Variants in VSTM4 observed in about 807,000 individuals in gnomAD.
VSTM4 encodes the protein V-set and transmembrane domain containing 4, also known as V-set and transmembrane domain-containing protein 4.
In VSTM4, 20 loss-of-function variants were observed where a neutral mutation model predicts 36.4. The ratio of observed to expected loss-of-function variants is 0.55; its 90% confidence interval spans 0.39 to 0.80. The LOEUF (loss-of-function observed/expected upper bound fraction) is 0.80, where lower values mean the gene tolerates loss of function less well. VSTM4 is among the 30% of genes least tolerant of loss of function. VSTM4 has a pLI of 0.00. For synonymous variants in VSTM4, 182 were observed against 173.9 expected (o/e 1.05, Z -0.37); for missense variants, 392 against 404.5 (o/e 0.97, Z 0.26).
Position 49,065,428 on chromosome 10 carries a change from C to T in VSTM4, c.635-692G>A, listed in dbSNP as rs1843956229. On this transcript the variant is annotated intron_variant, in intron 4 of 7. Transcript: ENST00000332853. ...GTATGTGTCCACACCCATGTGTACC[C>T]CCTCCCAAACTGACTCTGGGCTTGG... 2.0e-5 allele frequency among the ~76,000 whole-genome samples: 3 copies of T among 152,180 alleles called. No individual in the cohort carries two copies. The South Asian group carries it at 6.2e-4, about 31-fold the overall frequency.
chr10:49,057,122 A>T (rs535751625), intron 5 of VSTM4, among the ~76,000 whole-genome samples: 1 of 152,140 alleles, frequency 6.6e-6, no homozygotes, highest in South Asian at 2.1e-4. Flanking sequence ...TTCATGAGGG[A>T]TCTGCCCCCA....
chr10:49,052,905 C>T (rs921603048), intron 5 of VSTM4, among the ~76,000 whole-genome samples: 3 of 152,086 alleles, frequency 2.0e-5, no homozygotes, highest in East Asian at 1.9e-4. Flanking sequence ...ATTCATATTT[C>T]GACAATTTGA....
At chr10:49,040,675 T>C (rs571909230) in intron 7 of VSTM4, among the ~76,000 whole-genome samples, 19 of 152,346 alleles carry the variant, frequency 1.2e-4, no homozygotes, top group Non-Finnish European at 2.2e-4. Flanking sequence ...AAATGCAATG[T>C]TGTCTTGGAA....
At chr10:49,074,225 AT>A (rs1240952528) in intron 4 of VSTM4, among the ~76,000 whole-genome samples, 2 of 152,212 alleles carry the variant, frequency 1.3e-5, no homozygotes, top group East Asian at 3.8e-4. Context: ...CTTTCCTCTG[AT>A]TTTTCCTTTA....
At chr10:49,066,702 A>G (rs1843979863) in intron 4 of VSTM4, among the ~76,000 whole-genome samples, 1 of 152,176 alleles carries the variant, frequency 6.6e-6, no homozygotes, top group Non-Finnish European at 1.5e-5. Flanking sequence ...GCTATTATGT[A>G]TCTAAATTTA....
At chr10:49,027,184 T>C (rs894841877) in intron 7 of VSTM4, among the ~76,000 whole-genome samples, 1 of 152,170 alleles carries the variant, frequency 6.6e-6, no homozygotes, top group African/African-American at 2.4e-5. Flanking sequence ...CTAATGACCA[T>C]GATCACCATC....
chr10:49,019,052 A>T lies in VSTM4; in HGVS notation c.*598T>A, dbSNP rs1843142096. On this transcript the variant is annotated 3_prime_UTR_variant, in exon 8 of 8. Transcript: ENST00000332853. The stretch of plus-strand genomic sequence containing the variant: ...GGTGGGCACCATGGCATTCAGAGAC[A>T]GACCTTATACTTCTCTAGTCAGTCT... The T allele has an allele frequency of 6.6e-6, 1 of 152,286 alleles. No individual in the cohort carries two copies. Among genetic ancestry groups the T allele is most frequent in the East Asian group, 1.9e-4 (1 of 5,192 alleles). 9.4% of individuals were successfully genotyped at this position (152,286 alleles called of 1,614,324 possible).
intron 7 of VSTM4, among the ~76,000 whole-genome samples, chr10:49,030,595 A>G (rs968146165): frequency 6.6e-6 from 1 of 152,204 alleles, no homozygotes; most frequent in African/African-American, 2.4e-5. Flanking sequence ...GGATATGAAG[A>G]CGTGCACTTT....
intron 4 of VSTM4, among the ~76,000 whole-genome samples, chr10:49,069,212 C>T (rs538361690): frequency 3.3e-5 from 5 of 152,160 alleles, no homozygotes; most frequent in East Asian, 1.9e-4. Context: ...TATCAGGCCC[C>T]GTAACAGTGT....
At chr10:49,042,098 GCA>G (rs952989877) in intron 7 of VSTM4, among the ~76,000 whole-genome samples, 1 of 152,230 alleles carries the variant, frequency 6.6e-6, no homozygotes, top group African/African-American at 2.4e-5. Flanking sequence ...GTGCAGTGCT[GCA>G]CACAGTCTAG....
At chr10:49,079,787 C>CA in intron 3 of VSTM4, among the ~76,000 whole-genome samples, 1 of 146,874 alleles carries the variant, frequency 6.8e-6, no homozygotes, top group Non-Finnish European at 1.5e-5. Context: ...TTTAAAATAA[C>CA]AAAAAATACA....
At chr10:49,059,647 A>G (rs1843841057) in intron 5 of VSTM4, among the ~76,000 whole-genome samples, 1 of 152,120 alleles carries the variant, frequency 6.6e-6, no homozygotes, top group Non-Finnish European at 1.5e-5. Flanking sequence ...GCCATTACCC[A>G]AGTCTGAAAT....
chr10:49,073,860 CCAATTTA>C (rs1367463038), intron 4 of VSTM4, among the ~76,000 whole-genome samples: 1 of 152,178 alleles, frequency 6.6e-6, no homozygotes, highest in Non-Finnish European at 1.5e-5. Flanking sequence ...GAAGCTAAGT[CCAATTTA>C]TGTGGAAACA....
intron 6 of VSTM4, among the ~76,000 whole-genome samples, chr10:49,047,961 T>C (rs1256607722): frequency 6.6e-6 from 1 of 152,242 alleles, no homozygotes; most frequent in Non-Finnish European, 1.5e-5. Flanking sequence ...AGTTCTTTCC[T>C]CCAGAAACAC....
chr10:49,073,202 C>T (rs973922036), intron 4 of VSTM4, among the ~76,000 whole-genome samples: 1 of 152,184 alleles, frequency 6.6e-6, no homozygotes, highest in East Asian at 1.9e-4. Context: ...AATCTACCTG[C>T]CAATCTGCTT....
chr10:49,048,757 G>T (rs1251786843), intron 5 of VSTM4, among the ~76,000 whole-genome samples, 173 bp from the exon 6 acceptor site: 1 of 152,212 alleles, frequency 6.6e-6, no homozygotes. Flanking sequence ...TCTCCAGGGA[G>T]GTCTGGAAGT....
intron 4 of VSTM4, among the ~76,000 whole-genome samples, chr10:49,066,481 T>C (rs1336721846): frequency 6.6e-6 from 1 of 152,228 alleles, no homozygotes; most frequent in Non-Finnish European, 1.5e-5. Flanking sequence ...TTTTGACATA[T>C]ACCTTGGAAG....
At chr10:49,077,401 A>G (rs1844199619) in intron 3 of VSTM4, 75 bp from the exon 4 acceptor site, 1 of 1,361,516 alleles carries the variant, frequency 7.3e-7, no homozygotes, top group Non-Finnish European at 1.0e-6. Context: ...GAGAACAATC[A>G]GAATTGGAAT....
At chr10:49,043,809 C>T (rs1564571161) in intron 7 of VSTM4, among the ~76,000 whole-genome samples, 1 of 152,158 alleles carries the variant, frequency 6.6e-6, no homozygotes, top group Non-Finnish European at 1.5e-5. Context: ...AAAGAAACTG[C>T]ACAAGTACTT....
Sources: gnomAD v4.1 joint callset for allele counts (sites outside exome capture counted in the v4.1 genomes callset) on GRCh38, gnomAD v4.1.1 for gene constraint, MANE v1.5 for transcripts, NCBI Gene and HGNC (gene_info 2026-07-23, HGNC 2026-07-21) for gene names.